The following SBF1 variants were observed in gnomAD, a reference collection of about 807,000 sequenced individuals.
SBF1 encodes the protein SET binding factor 1.
A neutral mutation model predicts 215.8 loss-of-function variants in SBF1; 65 were observed. The ratio of observed to expected loss-of-function variants is 0.30; its 90% CI spans 0.25 to 0.37. The LOEUF (loss-of-function observed/expected upper bound fraction) is 0.37. SBF1 is among the 10% of genes least tolerant of loss of function. The pLI is 1.00. For synonymous variants in SBF1, 1,410 were observed against 1,122.8 expected, an observed-to-expected ratio of 1.26 and a Z score of -5.11; for missense variants, 2,634 against 2,667.8, an observed-to-expected ratio of 0.99 and a Z score of 0.28.
Position 50,466,408 on chromosome 22 carries a change from G to A in SBF1, c.730C>T (p.Gln244Ter), listed in dbSNP as rs1368319955. 1 of 1,553,208 alleles carries A rather than the reference G, an allele frequency of 6.4e-7. No individual in the cohort carries two copies. Among genetic ancestry groups the A allele is most frequent in the Non-Finnish European group, 8.7e-7 (1 of 1,147,956 alleles). Residue 244 changes from glutamine to a stop codon, truncating the protein, a stop_gained, in exon 7 of 41, where the codon CAG becomes TAG. Coordinates refer to ENST00000380817, the MANE Select transcript of SBF1 (RefSeq NM_002972.4). LOFTEE classifies it high-confidence loss of function. Reference protein sequence around the residue: ...HKVLFLSRSYQRLADACRGLL... With the variant: ...HKVLFLSRSY ...CCCCTACAGGCATCGGCGAGCCGCT[G>A]GTAGCTCCGGGACAGGAAGAGAACC... is the stretch of plus-strand genomic sequence containing the variant.
At chr22:50,461,131 A>G (rs558884373) in intron 23 of SBF1, 28 bp downstream of exon 23, 1 of 1,568,884 alleles carries the variant, frequency 6.4e-7, no homozygotes, top group Non-Finnish European at 8.7e-7. Context: ...GCGGGGGATG[A>G]GAGCCCCACC....
Position 50,446,356 on chromosome 22 carries a change from T to TCTCCCCCCCCCCCCCCCCCC in SBF1, c.*785_*786insGGGGGGGGGGGGGGGGGGAG, listed in dbSNP as rs1491577679. ...CCTGCATTCCCCTGGGAGCCCACTGTCCCCCCCCCCCCCCCGCCTCCGGCC... is the reference window on the plus strand; with the variant it reads ...CCTGCATTCCCCTGGGAGCCCACTGTCTCCCCCCCCCCCCCCCCCCCCCCCCCCCCCCCCCGCCTCCGGCC... On this transcript the variant is annotated 3_prime_UTR_variant, in exon 41 of 41. Transcript: ENST00000380817. 5.7e-5 allele frequency: 2 copies of TCTCCCCCCCCCCCCCCCCCC among 35,048 alleles called. No homozygotes were observed. Among genetic ancestry groups the TCTCCCCCCCCCCCCCCCCCC allele is most frequent in the African/African-American group, 1.3e-4 (1 of 7,646 alleles). The allele number at this position is 35,048 out of a possible 1,614,324, so 2.2% of individuals were successfully genotyped here.
intron 28 of SBF1, chr22:50,457,342 C>T (rs1299301705): frequency 2.1e-5 from 9 of 431,044 alleles, no homozygotes; most frequent in African/African-American, 6.1e-5. Context: ...AAGGGCTATG[C>T]GGTGGGGATC....
chr22:50,474,701 CGGCCCTCGACCCTCAGACCCAGCCCCT>C (rs1245149968), intron 1 of SBF1, 58 bp downstream of exon 1: 2 of 1,193,702 alleles, frequency 1.7e-6, no homozygotes, highest in Admixed American at 2.8e-5. Context: ...CCCCAGCCCC[CGGCCCTCGACCCTCAGACCCAGCCCCT>C]GGCCCTCAGC....
rs1449777155 is a variant in SBF1 at position 50,455,235 on chromosome 22, A to C, written c.4543T>G (p.Cys1515Gly). Residue 1515 changes from cysteine to glycine, a missense_variant, in exon 33 of 41, where the codon TGC becomes GGC. By Grantham distance (159) the Cys-to-Gly change is radical (BLOSUM62 -3). Coordinates refer to ENST00000380817, the MANE Select transcript of SBF1 (RefSeq NM_002972.4). ...FTPVFLQFLD[C>G]VHQVHLQFPM... ...AGCGGCCTGCCCACCTGGTGTACGC[A>C]GTCCAGGAACTGCAGGAAGACGGGT... The C allele has an allele frequency of 6.2e-7, 1 of 1,612,940 alleles. No individual in the cohort carries two copies. The highest frequency in any genetic ancestry group is 8.5e-7 in the Non-Finnish European group (1 of 1,179,514).
At chr22:50,467,249 G>T in intron 5 of SBF1, 89 bp downstream of exon 5, 2 of 1,072,280 alleles carry the variant, frequency 1.9e-6, no homozygotes, top group Non-Finnish European at 2.8e-6. Flanking sequence ...CTCCAGCTGT[G>T]TGTGGCTCTG....
chr22:50,455,164 G>C, intron 33 of SBF1, 22 bp from the exon 34 acceptor site: 2 of 1,614,000 alleles, frequency 1.2e-6, no homozygotes, highest in Non-Finnish European at 1.7e-6. Context: ...GTGGGTCAGG[G>C]GCCAGGGCTC....
rs200130592 is a variant in SBF1, at chr22:50,466,399, C to T, written c.739G>A (p.Ala247Thr). ...LFLSRSYQRL[A>T]DACRGLLALL... is the part of the protein sequence containing the mutation. ...GCCAGGAGGCCCCTACAGGCATCGGCGAGCCGCTGGTAGCTCCGGGACAGG... is the reference window on the plus strand; with the variant it reads ...GCCAGGAGGCCCCTACAGGCATCGGTGAGCCGCTGGTAGCTCCGGGACAGG... Residue 247 changes from alanine to threonine, a missense_variant, in exon 7 of 41, where the codon GCC (alanine) becomes ACC (threonine). By Grantham distance (58) the Ala-to-Thr change is moderately conservative. Transcript: ENST00000380817. The T allele has an allele frequency of 1.9e-6, 3 of 1,552,834 alleles. No homozygotes were observed. The highest frequency in any genetic ancestry group is 1.4e-5 in the African/African-American group (1 of 73,062).
At chr22:50,470,045 C>T (rs546419648) in intron 1 of SBF1, among the ~76,000 whole-genome samples, 2 of 152,000 alleles carry the variant, frequency 1.3e-5, no homozygotes, top group South Asian at 4.2e-4. Context: ...CGGGTGGGGG[C>T]CCAGGTGTCT....
chr22:50,466,515 T>C (rs1016154301), intron 6 of SBF1, 33 bp from the exon 7 acceptor site: 2 of 1,533,204 alleles, frequency 1.3e-6, no homozygotes, highest in East Asian at 2.5e-5. Flanking sequence ...GAGAGGACCC[T>C]GGGCCCCCAC....
chr22:50,471,892 A>G (rs764987551), intron 1 of SBF1, among the ~76,000 whole-genome samples: 3 of 152,222 alleles, frequency 2.0e-5, no homozygotes, highest in Non-Finnish European at 2.9e-5. Flanking sequence ...AGGCGAGGCC[A>G]TAGGGTGAAA....
At chr22:50,460,482 A>C in intron 24 of SBF1, 52 bp downstream of exon 24, 1 of 1,608,738 alleles carries the variant, frequency 6.2e-7, no homozygotes, top group Non-Finnish European at 8.5e-7. Flanking sequence ...GGAGGGTTGG[A>C]GCGGGAACAC....
chr22:50,459,232 C>T (rs534926679), intron 28 of SBF1, 23 bp downstream of exon 28: 61 of 1,583,868 alleles, frequency 3.9e-5, no homozygotes, highest in Admixed American at 1.4e-4. Context: ...CCTGCCCCAC[C>T]GTCTGCCCAC....
chr22:50,462,510 T>C (rs773034427), intron 18 of SBF1, 37 bp from the exon 19 acceptor site: 1 of 1,611,180 alleles, frequency 6.2e-7, no homozygotes, highest in East Asian at 2.2e-5. Flanking sequence ...GGGGCCACGC[T>C]GCCCCAGCCC....
At chr22:50,448,045 C>T (rs1235981143) in intron 38 of SBF1, among the ~76,000 whole-genome samples, 188 bp downstream of exon 38, 2 of 150,896 alleles carry the variant, frequency 1.3e-5, no homozygotes, top group African/African-American at 4.8e-5. Context: ...TCTCTCTACT[C>T]CTCCCTCAGC....
rs564942145 is a variant in SBF1, at chr22:50,447,322, G to A, written c.5583C>T (p.Asp1861=). 4.0e-5 allele frequency: 64 copies of A among 1,613,992 alleles called. No homozygotes were observed. The highest frequency in any genetic ancestry group is 2.9e-4 in the South Asian group (26 of 91,084). The change falls in exon 40 of 41, where the codon GAC becomes GAT. Residue 1861 remains aspartate (D), a splice_region_variant and synonymous_variant. Coordinates refer to ENST00000380817, the MANE Select transcript of SBF1 (RefSeq NM_002972.4). ...PKTVDEKAFF[D]VKTTRRVYNF... is the part of the protein sequence containing the mutation. ...CTCCCAAGCCCCGGCCAAGGCTCAC[G>A]TCAAAGAAGGCCTTCTCGTCCACAG...
intron 6 of SBF1, 28 bp from the exon 7 acceptor site, chr22:50,466,510 G>C: frequency 6.5e-7 from 1 of 1,534,756 alleles, no homozygotes. Flanking sequence ...GCTTGGAGAG[G>C]ACCCTGGGCC....
chr22:50,464,976 C>T, intron 12 of SBF1, 25 bp downstream of exon 12: 1 of 1,613,766 alleles, frequency 6.2e-7, no homozygotes, highest in Non-Finnish European at 8.5e-7. Flanking sequence ...GGGCAGGGGG[C>T]TGGGAGGGCA....
At position 50,445,671 on chromosome 22, in the gene SBF1, G is replaced by A. The variant is rs1420611764; in HGVS notation, c.*1471C>T. ...CGGTCAGGCGCCATCTGTCCGGCCT[G>A]AGGGAAGACCTGGCTGGTTTCAGTG... On this transcript the variant is annotated 3_prime_UTR_variant, in exon 41 of 41. Transcript: ENST00000380817. 1.3e-5 allele frequency: 2 copies of A among 152,306 alleles called. No individual in the cohort carries two copies. Among genetic ancestry groups the A allele is most frequent in the Non-Finnish European group, 2.9e-5 (2 of 68,096 alleles). 9.4% of individuals were successfully genotyped at this position (152,306 alleles called of 1,614,324 possible).
Sources: allele counts gnomAD v4.1 joint callset (sites outside exome capture counted in the v4.1 genomes callset), GRCh38; gene constraint gnomAD v4.1.1; transcripts MANE v1.5; gene names NCBI Gene and HGNC (gene_info 2026-07-23, HGNC 2026-07-21).